Variants in ABCB5 observed in about 807,000 individuals in gnomAD.
ABCB5 encodes the protein ATP binding cassette subfamily B member 5.
Under a neutral mutation model 144.2 loss-of-function variants are expected in ABCB5, and 155 were observed. The observed-to-expected ratio is 1.08, with a 90% CI of 0.94 to 1.23. The LOEUF (loss-of-function observed/expected upper bound fraction) is 1.23, where lower values mean the gene tolerates loss of function less well. ABCB5 is among the 50% of genes most tolerant of loss of function. ABCB5 has a pLI of 0.00. For missense variants in ABCB5, 1,830 were observed against 1,520.8 expected, an observed-to-expected ratio of 1.20 and a Z score of -3.38; for synonymous variants, 610 against 528.6, an observed-to-expected ratio of 1.15 and a Z score of -2.11.
At chr7:20,651,849 T>A (rs1461160327) in intron 13 of ABCB5, among the ~76,000 whole-genome samples, 3 of 152,220 alleles carry the variant, frequency 2.0e-5, no homozygotes, top group Non-Finnish European at 4.4e-5. Flanking sequence ...TTGTGATTTT[T>A]AAAATCTTAT....
chr7:20,744,621 G>C (rs529431105), intron 25 of ABCB5, among the ~76,000 whole-genome samples: 1 of 151,062 alleles, frequency 6.6e-6, no homozygotes, highest in African/African-American at 2.4e-5. Context: ...CATCCATGGG[G>C]GGAGGGGGGA....
rs117497357 is a variant in ABCB5, at chr7:20,728,454, A to G, written c.2866A>G (p.Ile956Val). 2 of 1,613,924 alleles carry G rather than the reference A, an allele frequency of 1.2e-6. No individual in the cohort carries two copies. The highest frequency in any genetic ancestry group is 1.7e-6 in the Non-Finnish European group (2 of 1,179,888). Residue 956 changes from isoleucine to valine, a missense_variant and splice_region_variant, in exon 23 of 28, where the codon ATA becomes GTA. Ile to Val is a conservative substitution (Grantham distance 29, BLOSUM62 3). Coordinates refer to ENST00000404938, the MANE Select transcript of ABCB5 (RefSeq NM_001163941.2). ...AGRMTPEGMF[I>V]VFTAIAYGAM... ...ACGAATGACCCCAGAGGGCATGTTC[A>G]TGTAAGTCGTGGAAATAGTCCGGAC... is the stretch of plus-strand genomic sequence containing the variant.
chr7:20,634,151 G>C (rs1784099827), intron 5 of ABCB5, among the ~76,000 whole-genome samples: 1 of 147,400 alleles, frequency 6.8e-6, no homozygotes, highest in Non-Finnish European at 1.5e-5. Flanking sequence ...TTTCATTTAA[G>C]ATAATGGCCT....
At chr7:20,718,808 T>C (rs1781769786) in intron 20 of ABCB5, among the ~76,000 whole-genome samples, 1 of 152,172 alleles carries the variant, frequency 6.6e-6, no homozygotes, top group African/African-American at 2.4e-5. Context: ...ACTCAAATTA[T>C]CCCAGATTCA....
chr7:20,745,561 A>C, intron 26 of ABCB5, 123 bp downstream of exon 26: 2 of 960,666 alleles, frequency 2.1e-6, no homozygotes, highest in Non-Finnish European at 3.0e-6. Context: ...CCAGAATCTA[A>C]AGTTAGATGT....
At chr7:20,636,534 C>T (rs1784159022) in intron 5 of ABCB5, among the ~76,000 whole-genome samples, 1 of 151,602 alleles carries the variant, frequency 6.6e-6, no homozygotes, top group Admixed American at 6.6e-5. Flanking sequence ...CCTGTAATCC[C>T]AACATTTTAG....
chr7:20,637,886 A>C (rs1329596498), intron 5 of ABCB5, among the ~76,000 whole-genome samples: 1 of 152,192 alleles, frequency 6.6e-6, no homozygotes, highest in African/African-American at 2.4e-5. Context: ...CATTAAATCA[A>C]TCTTAATATG....
chr7:20,676,594 G>A (rs1015430038), intron 14 of ABCB5, among the ~76,000 whole-genome samples: 1 of 152,070 alleles, frequency 6.6e-6, no homozygotes, highest in Non-Finnish European at 1.5e-5. Context: ...GAATGAGCAG[G>A]GAGAGAAACA....
intron 14 of ABCB5, among the ~76,000 whole-genome samples, chr7:20,661,473 G>A (rs956992186): frequency 9.6e-4 from 146 of 152,000 alleles, no homozygotes; most frequent in African/African-American, 3.3e-3. Flanking sequence ...GATGGACTTC[G>A]ATGAGTGTGA....
At chr7:20,745,543 A>G (rs1312665554) in intron 26 of ABCB5, 105 bp downstream of exon 26, 5 of 1,007,670 alleles carry the variant, frequency 5.0e-6, no homozygotes, top group Non-Finnish European at 5.8e-6. Context: ...TATACAATGT[A>G]TTTATTGCCA....
At chr7:20,669,774 G>A (rs1025694566) in intron 14 of ABCB5, among the ~76,000 whole-genome samples, 1 of 850 alleles carries the variant, frequency 1.2e-3, no homozygotes, top group African/African-American at 7.4e-3. Flanking sequence ...TGAGGAAACA[G>A]AATAAATAGA....
chr7:20,673,130 G>A lies in ABCB5; in HGVS notation c.1708-8375G>A, dbSNP rs1264685647. Among the ~76,000 whole-genome samples, 9 of 152,226 alleles carry A rather than the reference G, an allele frequency of 5.9e-5. No homozygotes were observed. In the East Asian group the frequency reaches 1.5e-3, roughly 26 times the overall value. On this transcript the variant is annotated intron_variant, in intron 14 of 27. Coordinates refer to ENST00000404938, the MANE Select transcript of ABCB5 (RefSeq NM_001163941.2). ...AATTTAATTGCATTACGGTCAGGGA[G>A]TATTCATGTATGACTTGAATACAAG...
At chr7:20,669,698 G>T (rs1474075019) in intron 14 of ABCB5, among the ~76,000 whole-genome samples, 1 of 122,938 alleles carries the variant, frequency 8.1e-6, no homozygotes, top group Non-Finnish European at 1.6e-5. Context: ...ATCCCCCTCT[G>T]CGAGAAACAC....
At chr7:20,668,975 G>T (rs1444467264) in intron 14 of ABCB5, among the ~76,000 whole-genome samples, 3 of 50,014 alleles carry the variant, frequency 6.0e-5, no homozygotes, top group Non-Finnish European at 8.2e-5. Context: ...GGAGGGAGGT[G>T]GGGGGGTCAG....
In ABCB5 at chr7:20,646,132, T is replaced by C; in HGVS notation, c.975T>C (p.Val325=). 6.2e-7 allele frequency: 1 copy of C among 1,611,232 alleles called. No homozygotes were observed. Among genetic ancestry groups the C allele is most frequent in the South Asian group, 1.1e-5 (1 of 90,392 alleles). ...AACCTGGATATACCATCGGGACTGT[T>C]CTTGCTGTAAGTCTTGTTTGAGAAC... ...NGEPGYTIGT[V]LAVFFSVIHS... The change falls in exon 9 of 28, where the codon GTT becomes GTC. Residue 325 remains valine (V), a synonymous_variant. Coordinates refer to ENST00000404938, the MANE Select transcript of ABCB5 (RefSeq NM_001163941.2).
At chr7:20,633,726 C>T (rs1463867390) in intron 5 of ABCB5, among the ~76,000 whole-genome samples, 1 of 152,122 alleles carries the variant, frequency 6.6e-6, no homozygotes, top group Non-Finnish European at 1.5e-5. Context: ...TTTCTCCTAT[C>T]TACCTATAAC....
intron 24 of ABCB5, among the ~76,000 whole-genome samples, chr7:20,740,902 T>C (rs1294137743): frequency 6.6e-6 from 1 of 150,678 alleles, no homozygotes; most frequent in Admixed American, 6.6e-5. Flanking sequence ...AGGTCAGGAG[T>C]TCAAGTTCAG....
intron 23 of ABCB5, among the ~76,000 whole-genome samples, chr7:20,737,546 C>T (rs570251037): frequency 2.4e-4 from 37 of 152,258 alleles, no homozygotes; most frequent in African/African-American, 8.4e-4. Context: ...AATGTTAGGA[C>T]AGGTAGAGAT....
At chr7:20,664,019 C>A (rs2128032038) in intron 14 of ABCB5, among the ~76,000 whole-genome samples, 1 of 123,808 alleles carries the variant, frequency 8.1e-6, no homozygotes, top group African/African-American at 3.7e-5. Context: ...CCCAGTCAGG[C>A]AATTTTTTTT....
Sources: gnomAD v4.1 joint callset for allele counts (sites outside exome capture counted in the v4.1 genomes callset) on GRCh38, gnomAD v4.1.1 for gene constraint, MANE v1.5 for transcripts, NCBI Gene and HGNC (gene_info 2026-07-23, HGNC 2026-07-21) for gene names.